ZNF600: variants seen among roughly 807,000 people sequenced by gnomAD.
The protein encoded by ZNF600 is zinc finger protein KR-ZNF1.
In ZNF600, 4 loss-of-function variants were observed where a neutral mutation model predicts 7.3. The observed-to-expected ratio is 0.55, with a 90% CI of 0.27 to 1.25. The LOEUF (loss-of-function observed/expected upper bound fraction) is 1.25, where lower values mean the gene tolerates loss of function less well. Among genes scored for constraint, ZNF600 ranks in the 50% most tolerant of loss-of-function variants. The probability of loss-of-function intolerance (pLI) is 0.12; values close to 1 mark genes in which losing one functional copy is unlikely to be tolerated. For synonymous variants in ZNF600, 290 were observed against 308.9 expected (o/e 0.94, Z 0.64); for missense variants, 911 against 922.1 (o/e 0.99, Z 0.16).
chr19:52,809,831 C>T, the ZNF600 span: 3 of 554,678 alleles, frequency 5.4e-6, no homozygotes, highest in African/African-American at 2.0e-5. Context: ...AAGGCGGCGG[C>T]GGCGGCGGTG....
At chr19:52,802,631 C>G in the ZNF600 span, among the ~76,000 whole-genome samples, 1 of 150,782 alleles carries the variant, frequency 6.6e-6, no homozygotes, top group South Asian at 2.1e-4. Flanking sequence ...GAGTTGAGAT[C>G]GCACCACTGC....
exon 4 of ZNF600, chr19:52,765,561 C>A (rs772150921): frequency 6.2e-7 from 1 of 1,613,412 alleles, no homozygotes; most frequent in African/African-American, 1.3e-5. Context: ...TGTAGCGTTA[C>A]TGAAGACTTT....
upstream of ZNF600, among the ~76,000 whole-genome samples, chr19:52,788,783 TG>T (rs557543459): frequency 6.6e-3 from 1,012 of 152,346 alleles, 10 homozygotes; most frequent in African/African-American, 0.023. Flanking sequence ...TGTTCAATGC[TG>T]GAGACAGATG....
the ZNF600 span, chr19:52,799,981 G>T: frequency 3.7e-6 from 6 of 1,612,874 alleles, no homozygotes; most frequent in Non-Finnish European, 5.1e-6. Flanking sequence ...TGGATTATAA[G>T]CGATGATGTC....
chr19:52,799,293 CTAATA>C, the ZNF600 span: 18 of 428,114 alleles, frequency 4.2e-5, no homozygotes, highest in Non-Finnish European at 7.1e-5. Flanking sequence ...AGTTTGAATT[CTAATA>C]TGTTTTGCCA....
chr19:52,830,663 G>A, the ZNF600 span, among the ~76,000 whole-genome samples: 4 of 151,926 alleles, frequency 2.6e-5, no homozygotes, highest in African/African-American at 9.7e-5. Flanking sequence ...ATTTTGTCCA[G>A]TGGATGAATA....
chr19:52,792,978 C>T, the ZNF600 span, among the ~76,000 whole-genome samples: 3 of 151,886 alleles, frequency 2.0e-5, no homozygotes, highest in African/African-American at 7.3e-5. Flanking sequence ...CCTCGTGATC[C>T]ACCCACCTCG....
intron 2 of ZNF600, among the ~76,000 whole-genome samples, chr19:52,775,605 T>C (rs1415182741): frequency 1.3e-5 from 2 of 149,834 alleles, no homozygotes; most frequent in African/African-American, 5.1e-5. Flanking sequence ...ATGTCAGATA[T>C]TATGTTCAAC....
chr19:52,781,626 C>A (rs781630570), intron 1 of ZNF600, among the ~76,000 whole-genome samples, 162 bp from the exon 2 acceptor site: 3 of 152,114 alleles, frequency 2.0e-5, no homozygotes, highest in Non-Finnish European at 4.4e-5. Context: ...ATTAGCCAGG[C>A]ATCATGGCAT....
chr19:52,793,791 C>G, the ZNF600 span, among the ~76,000 whole-genome samples: 1 of 75,124 alleles, frequency 1.3e-5, no homozygotes, highest in East Asian at 2.1e-3. Context: ...CACACACACA[C>G]ACACACACAC....
chr19:52,804,466 G>C, the ZNF600 span, among the ~76,000 whole-genome samples: 5 of 152,074 alleles, frequency 3.3e-5, no homozygotes, highest in Non-Finnish European at 7.4e-5. Context: ...CACCTCCTGG[G>C]TTCCAGTGAT....
the ZNF600 span, among the ~76,000 whole-genome samples, chr19:52,831,466 G>T: frequency 7.3e-5 from 11 of 150,338 alleles, no homozygotes; most frequent in African/African-American, 2.7e-4. Flanking sequence ...CCTGCCACCA[G>T]GCCTGGCTAA....
the ZNF600 span, chr19:52,814,545 C>T: frequency 6.9e-6 from 1 of 145,418 alleles, no homozygotes; most frequent in African/African-American, 2.7e-5. Context: ...AGTGATCCGA[C>T]ATCACACCAC....
At chr19:52,814,851 C>T in the ZNF600 span, among the ~76,000 whole-genome samples, 2 of 146,572 alleles carry the variant, frequency 1.4e-5, no homozygotes, top group South Asian at 2.3e-4. Flanking sequence ...CACACCACTG[C>T]GCTCCAGCCT....
the ZNF600 span, among the ~76,000 whole-genome samples, chr19:52,807,513 G>T: frequency 6.6e-6 from 1 of 152,136 alleles, no homozygotes; most frequent in Non-Finnish European, 1.5e-5. Context: ...TTGCTCTGTC[G>T]TCCGGGCTGG....
the ZNF600 span, among the ~76,000 whole-genome samples, chr19:52,794,813 C>T: frequency 1.5e-3 from 227 of 152,114 alleles, 2 homozygotes; most frequent in African/African-American, 5.2e-3. Flanking sequence ...AAGATTGTGT[C>T]CCTGCACTCA....
the ZNF600 span, chr19:52,800,204 T>G: frequency 6.2e-7 from 1 of 1,613,658 alleles, no homozygotes; most frequent in East Asian, 2.2e-5. Flanking sequence ...ACGGTTTCTC[T>G]GCAGTATGAA....
the ZNF600 span, among the ~76,000 whole-genome samples, chr19:52,825,822 TTA>T: frequency 6.6e-6 from 1 of 151,978 alleles, no homozygotes; most frequent in Non-Finnish European, 1.5e-5. Flanking sequence ...TCCATCTCTA[TTA>T]AAAATACAAA....
chr19:52,767,805 T>G, intron 3 of ZNF600, 33 bp from the exon 6 acceptor site: 1 of 1,525,816 alleles, frequency 6.6e-7, no homozygotes, highest in Non-Finnish European at 8.8e-7. Context: ...GGTTTCCAAT[T>G]AAGTACAGAT....
Sources: allele counts gnomAD v4.1 joint callset (sites outside exome capture counted in the v4.1 genomes callset), GRCh38; gene constraint gnomAD v4.1.1; transcripts MANE v1.5; gene names NCBI Gene and HGNC (gene_info 2026-07-23, HGNC 2026-07-21).